Variants in PTK2B observed in about 807,000 individuals in gnomAD.
The protein encoded by PTK2B is protein tyrosine kinase 2 beta, also known as protein-tyrosine kinase 2-beta.
Under a neutral mutation model 142.9 loss-of-function variants are expected in PTK2B, and 71 were observed. That is an observed-to-expected ratio of 0.50 (90% confidence interval 0.41 to 0.61). The LOEUF (loss-of-function observed/expected upper bound fraction) is 0.61, where lower values mean the gene tolerates loss of function less well. Among genes scored for constraint, PTK2B ranks in the 20% least tolerant of loss-of-function variants. PTK2B has a pLI of 0.00. For synonymous variants in PTK2B, 519 were observed against 503.4 expected (o/e 1.03, Z -0.42); for missense variants, 1,105 against 1,320.4 (o/e 0.84, Z 2.53).
chr8:27,329,804 C>A (rs1322388610), intron 1 of PTK2B, among the ~76,000 whole-genome samples: 1 of 152,066 alleles, frequency 6.6e-6, no homozygotes, highest in African/African-American at 2.4e-5. Flanking sequence ...TGCCTGGGTT[C>A]CAGCCCAGGT....
chr8:27,429,958 C>A (rs1810305285), intron 5 of PTK2B, 135 bp from the exon 6 acceptor site: 1 of 796,192 alleles, frequency 1.3e-6, no homozygotes, highest in Non-Finnish European at 2.2e-6. Flanking sequence ...AATTTTATGA[C>A]TCTCCTAACT....
intron 1 of PTK2B, among the ~76,000 whole-genome samples, chr8:27,352,295 C>T (rs1805143889): frequency 1.3e-5 from 2 of 152,212 alleles, no homozygotes; most frequent in South Asian, 4.1e-4. Flanking sequence ...CCCACCTACT[C>T]ACCTATAGAA....
rs770810123 is a variant in PTK2B, at chr8:27,435,759, A to T, written c.1209A>T (p.Ala403=). 14 of 1,614,156 alleles carry T rather than the reference A, an allele frequency of 8.7e-6. No homozygotes were observed. The South Asian group carries it at 1.5e-4, about 18-fold the overall frequency. Residue 403 remains alanine (A), a synonymous_variant, in exon 14 of 31, where the codon GCA becomes GCT. Transcript: ENST00000346049. ...TTGTTCCAGAGTCAGACATCTACGC[A>T]GAGATTCCCGACGAAACCCTGCGAA... ...ESCSIESDIY[A]EIPDETLRRP...
chr8:27,341,954 A>G (rs1433219624), intron 1 of PTK2B, among the ~76,000 whole-genome samples: 2 of 152,108 alleles, frequency 1.3e-5, no homozygotes, highest in African/African-American at 4.8e-5. Flanking sequence ...GGGATTACAC[A>G]GGTATGATCC....
chr8:27,395,555 T>C (rs1807994832), intron 1 of PTK2B, among the ~76,000 whole-genome samples: 1 of 152,152 alleles, frequency 6.6e-6, no homozygotes, highest in African/African-American at 2.4e-5. Context: ...TACAATCCTC[T>C]CTTCTACCCA....
At chr8:27,342,262 TCTC>T (rs1804447249) in intron 1 of PTK2B, among the ~76,000 whole-genome samples, 1 of 151,948 alleles carries the variant, frequency 6.6e-6, no homozygotes, top group African/African-American at 2.4e-5. Context: ...CATTTCTTCT[TCTC>T]TTTGGTTTTG....
intron 1 of PTK2B, among the ~76,000 whole-genome samples, chr8:27,337,835 C>G: frequency 6.6e-6 from 1 of 152,030 alleles, no homozygotes. Flanking sequence ...CATTCACATA[C>G]AAGTTTTTTT....
At chr8:27,439,462 G>T (rs1009162529) in intron 20 of PTK2B, 64 bp downstream of exon 20, 4 of 1,524,782 alleles carry the variant, frequency 2.6e-6, no homozygotes, top group Non-Finnish European at 3.6e-6. Context: ...CCAGGCTAAG[G>T]GGGTGGGTGC....
intron 3 of PTK2B, among the ~76,000 whole-genome samples, chr8:27,318,651 TTTTG>T (rs374135071): frequency 3.2e-4 from 48 of 152,078 alleles, no homozygotes; most frequent in South Asian, 2.1e-4. Flanking sequence ...CTCTGCATGG[TTTTG>T]TTTGTTTGTT....
At chr8:27,319,827 A>G (rs1170583717) in intron 3 of PTK2B, among the ~76,000 whole-genome samples, 1 of 152,150 alleles carries the variant, frequency 6.6e-6, no homozygotes, top group African/African-American at 2.4e-5. Flanking sequence ...TCTAAAAGAA[A>G]ATAGGATAAA....
chr8:27,437,863 C>T lies in PTK2B; in HGVS notation c.1626C>T (p.Ser542=), dbSNP rs1456076406. ...GCAAAGCCATGGCCTACCTGGAGAGCATCAACTGCGTGCACAGGTAGGGGT... is the reference window on the plus strand; with the variant it reads ...GCAAAGCCATGGCCTACCTGGAGAGTATCAACTGCGTGCACAGGTAGGGGT... ...QICKAMAYLE[S]INCVHRDIAV... The change falls in exon 18 of 31, where the codon AGC becomes AGT. Residue 542 remains serine (S), a synonymous_variant. Coordinates refer to ENST00000346049, the MANE Select transcript of PTK2B (RefSeq NM_173176.3). 3 of 1,611,986 alleles carry T rather than the reference C, an allele frequency of 1.9e-6. No homozygotes were observed. The highest frequency in any genetic ancestry group is 2.7e-5 in the African/African-American group (2 of 74,900).
Position 27,440,096 on chromosome 8 carries a change from G to A in PTK2B, c.1835-141G>A. 2.3e-5 allele frequency: 19 copies of A among 816,396 alleles called. No individual in the cohort carries two copies. The South Asian group carries it at 2.7e-4, about 12-fold the overall frequency. The allele number at this position is 816,396 out of a possible 1,614,324, so 50.6% of individuals were successfully genotyped here. On this transcript the variant is annotated intron_variant, in intron 20 of 30. Transcript: ENST00000346049. ...TCCCTCGGGCAGACCACCATGGTAG[G>A]CAGGACCCCAGGGTGCTGGAGGAGG...
rs376646406 is a variant in PTK2B, at chr8:27,315,247, A to G, written c.-414+1960A>G. On this transcript the variant is annotated intron_variant, in intron 3 of 35. Coordinates refer to the PTK2B transcript ENST00000397501. ...AAAAGCAGTTTCCTGGGCCCACTTT[A>G]ATCTACTCATCTCTCTTGTGGAAAG... 4.8e-4 allele frequency among the ~76,000 whole-genome samples: 73 copies of G among 152,226 alleles called. No individual in the cohort carries two copies. The East Asian group carries it at 0.011, about 23-fold the overall frequency.
Position 27,375,726 on chromosome 8 carries a change from C to T in PTK2B, c.-37-21822C>T, listed in dbSNP as rs564583353. On this transcript the variant is annotated intron_variant, in intron 1 of 30. Transcript: ENST00000346049. Reference sequence around the variant, plus strand: ...CCATGTGCCTCTCCCCGAGTGGGCACCTCCCTCCTCCCCAGTTATGCACGG... The same window carrying T: ...CCATGTGCCTCTCCCCGAGTGGGCATCTCCCTCCTCCCCAGTTATGCACGG... 2.9e-3 allele frequency among the ~76,000 whole-genome samples: 438 copies of T among 152,326 alleles called. 4 individuals carry two copies. In the South Asian group the frequency reaches 0.029, roughly 10 times the overall value.
chr8:27,356,116 TAATTAC>T (rs1805378259), intron 1 of PTK2B, among the ~76,000 whole-genome samples: 1 of 152,106 alleles, frequency 6.6e-6, no homozygotes, highest in Non-Finnish European at 1.5e-5. Context: ...ATCTCTATTA[TAATTAC>T]AACACTGTTC....
rs1554500877 is a variant in PTK2B, at chr8:27,414,606, C to CTG, written c.205-5275_205-5274dup. The stretch of plus-strand genomic sequence containing the variant: ...AAGCTCAGTTTCTCTCTCTCTCTCT[C>CTG]TGTGTGTGTGTGTGTATCTCTTTCT... On this transcript the variant is annotated intron_variant, in intron 2 of 30. Transcript: ENST00000346049. Among the ~76,000 whole-genome samples, 65 of 82,352 alleles carry CTG rather than the reference C, an allele frequency of 7.9e-4. 1 individual carries two copies. Among genetic ancestry groups the CTG allele is most frequent in the Middle Eastern group, 4.8e-3 (1 of 208 alleles). 54.0% of individuals were successfully genotyped at this position (82,352 alleles called of 152,430 possible).
At chr8:27,365,580 TGA>T (rs1586168978) in intron 1 of PTK2B, among the ~76,000 whole-genome samples, 1 of 152,206 alleles carries the variant, frequency 6.6e-6, no homozygotes, top group African/African-American at 2.4e-5. Flanking sequence ...TCTGTGGCAC[TGA>T]GAGAGTTCCT....
At chr8:27,331,215 C>T (rs909442195) in intron 1 of PTK2B, among the ~76,000 whole-genome samples, 1 of 152,180 alleles carries the variant, frequency 6.6e-6, no homozygotes, top group African/African-American at 2.4e-5. Flanking sequence ...ATTGTGGGGG[C>T]AGACCCCCTT....
chr8:27,418,527 T>A (rs565507460), intron 2 of PTK2B, among the ~76,000 whole-genome samples: 1 of 152,326 alleles, frequency 6.6e-6, no homozygotes, highest in African/African-American at 2.4e-5. Flanking sequence ...ATGCCCCTCC[T>A]CTTTTTGGTT....
Sources: allele counts gnomAD v4.1 joint callset (sites outside exome capture counted in the v4.1 genomes callset), GRCh38; gene constraint gnomAD v4.1.1; transcripts MANE v1.5; gene names NCBI Gene and HGNC (gene_info 2026-07-23, HGNC 2026-07-21).